The following EP300 variants were observed in gnomAD, a reference collection of about 807,000 sequenced individuals.
EP300 encodes the protein histone acetyltransferase p300.
In EP300, 31 loss-of-function variants were observed where a neutral mutation model predicts 264.0. The ratio of observed to expected loss-of-function variants is 0.12; its 90% CI spans 0.09 to 0.16. The LOEUF is 0.16. EP300 is among the 10% of genes least tolerant of loss of function. The probability of loss-of-function intolerance (pLI) is 1.00; values close to 1 mark genes in which losing one functional copy is unlikely to be tolerated. For synonymous variants in EP300, 1,340 were observed against 1,045.4 expected, an observed-to-expected ratio of 1.28 and a Z score of -5.44; for missense variants, 2,766 against 3,052.9, an observed-to-expected ratio of 0.91 and a Z score of 2.21.
intron 20 of EP300, among the ~76,000 whole-genome samples, chr22:41,162,063 A>G (rs2059111512): frequency 6.6e-6 from 1 of 152,176 alleles, no homozygotes; most frequent in Admixed American, 6.5e-5. Flanking sequence ...AGTAGGAACA[A>G]GACCCTTCCC....
At chr22:41,110,101 GC>G (rs2058780617) in intron 1 of EP300, among the ~76,000 whole-genome samples, 1 of 130,190 alleles carries the variant, frequency 7.7e-6, no homozygotes, top group Non-Finnish European at 1.6e-5. Context: ...GACCCACTGT[GC>G]CCATCCTGTT....
intron 1 of EP300, 36 bp from the exon 2 acceptor site, chr22:41,117,151 C>T: frequency 7.5e-6 from 12 of 1,596,920 alleles, no homozygotes; most frequent in Non-Finnish European, 1.0e-5. Flanking sequence ...TTGGTTTTGT[C>T]ATACTTTGAC....
chr22:41,150,797 A>T (rs910489253), intron 14 of EP300, among the ~76,000 whole-genome samples: 5 of 152,054 alleles, frequency 3.3e-5, no homozygotes, highest in African/African-American at 1.2e-4. Context: ...AGACTGAGGC[A>T]GGAGAATGGC....
At chr22:41,164,564 T>C (rs535569757) in intron 22 of EP300, among the ~76,000 whole-genome samples, 1 of 152,152 alleles carries the variant, frequency 6.6e-6, no homozygotes, top group Admixed American at 6.5e-5. Flanking sequence ...ATACAAAAAT[T>C]AGCCTGGCGT....
chr22:41,141,209 A>G lies in EP300; in HGVS notation c.2040A>G (p.Pro680=), dbSNP rs2058980395. Residue 680 remains proline, a synonymous_variant, in exon 10 of 31, where the codon CCA becomes CCG. Transcript: ENST00000263253. The part of the protein sequence containing the change: ...NPGPNMGQPQ[P]GMTSNGPLPD... ...GGCCTAACATGGGACAGCCGCAACC[A>G]GGAATGACTTCTAGTAAGTGGTTTT... is the stretch of plus-strand genomic sequence containing the variant. The G allele has an allele frequency of 1.2e-6, 2 of 1,614,078 alleles. No homozygotes were observed. The highest frequency in any genetic ancestry group is 1.3e-5 in the African/African-American group (1 of 74,956).
rs371872045 is a variant in EP300 at position 41,137,819 on chromosome 22, C to T, written c.1760+29C>T. 3.9e-5 allele frequency: 63 copies of T among 1,613,812 alleles called. No homozygotes were observed. In the African/African-American group the frequency reaches 4.0e-4, roughly 10 times the overall value. Reference sequence around the variant, plus strand: ...AGTAAGATTGTGGACACGTCTCATTCGTAAAGAGATGTTACGTCAACATGT... The same window carrying T: ...AGTAAGATTGTGGACACGTCTCATTTGTAAAGAGATGTTACGTCAACATGT... On this transcript the variant is annotated intron_variant, in intron 8 of 30. Transcript: ENST00000263253.
At chr22:41,102,029 C>CTTTTTTTTT in intron 1 of EP300, among the ~76,000 whole-genome samples, 1 of 119,260 alleles carries the variant, frequency 8.4e-6, no homozygotes, top group Admixed American at 8.8e-5. Flanking sequence ...TTTTTCTTTT[C>CTTTTTTTTT]TTTTTTTTTT....
intron 7 of EP300, among the ~76,000 whole-genome samples, chr22:41,137,266 A>G (rs992556702): frequency 1.3e-5 from 2 of 150,844 alleles, no homozygotes; most frequent in African/African-American, 4.9e-5. Flanking sequence ...CTGAGGCAGG[A>G]GAATCGCTTG....
At chr22:41,176,676 C>A in intron 30 of EP300, 97 bp from the exon 31 acceptor site, 1 of 1,612,034 alleles carries the variant, frequency 6.2e-7, no homozygotes, top group South Asian at 1.1e-5. Context: ...AGTTTTTGTT[C>A]TACGAAAGGG....
intron 28 of EP300, 108 bp downstream of exon 28, chr22:41,172,771 C>T: frequency 8.3e-7 from 1 of 1,209,360 alleles, no homozygotes; most frequent in Non-Finnish European, 1.2e-6. Flanking sequence ...TGTAAAAGAG[C>T]TCTTTAAGTT....
At chr22:41,147,631 A>G (rs540979253) in intron 11 of EP300, among the ~76,000 whole-genome samples, 10 of 151,354 alleles carry the variant, frequency 6.6e-5, no homozygotes, top group Non-Finnish European at 1.0e-4. Flanking sequence ...CCAGCTACTC[A>G]GGAGGCTGAG....
chr22:41,147,265 C>T (rs2059016438), intron 11 of EP300, among the ~76,000 whole-genome samples: 1 of 149,430 alleles, frequency 6.7e-6, no homozygotes, highest in South Asian at 2.1e-4. Flanking sequence ...GAGATCGCGC[C>T]ACTGGACCCC....
chr22:41,132,502 T>C (rs2058926332), intron 6 of EP300, among the ~76,000 whole-genome samples: 1 of 152,034 alleles, frequency 6.6e-6, no homozygotes. Context: ...TTGGCCATGA[T>C]GATCTCAATC....
At chr22:41,138,709 T>G (rs1269351001) in intron 8 of EP300, among the ~76,000 whole-genome samples, 1 of 152,180 alleles carries the variant, frequency 6.6e-6, no homozygotes, top group Non-Finnish European at 1.5e-5. Flanking sequence ...TTACAGAGTT[T>G]ACCCTTCAAA....
chr22:41,152,408 A>G (rs2145741381), intron 16 of EP300, 58 bp downstream of exon 16: 1 of 1,570,940 alleles, frequency 6.4e-7, no homozygotes, highest in Non-Finnish European at 8.7e-7. Flanking sequence ...GACCCAGGGC[A>G]GAATTGCGGT....
Position 41,176,345 on chromosome 22 carries a change from T to G in EP300, c.4878T>G (p.Gly1626=), listed in dbSNP as rs775650015. The change falls in exon 30 of 31, where the codon GGT becomes GGG. Residue 1626 remains glycine, a synonymous_variant. Coordinates refer to ENST00000263253, the MANE Select transcript of EP300 (RefSeq NM_001429.4). ...DPLIPCDLMD[G]RDAFLTLARD... is the part of the protein sequence containing the mutation. ...TCATCCCCTGCGATCTGATGGATGG[T>G]CGGGATGCGTTTCTCACGCTGGCAA... The G allele has an allele frequency of 1.9e-6, 3 of 1,614,186 alleles. No homozygotes were observed. The highest frequency in any genetic ancestry group is 2.5e-6 in the Non-Finnish European group (3 of 1,180,036).
At chr22:41,093,310 G>A (rs1167063606) in intron 1 of EP300, among the ~76,000 whole-genome samples, 2 of 152,090 alleles carry the variant, frequency 1.3e-5, no homozygotes, top group East Asian at 1.9e-4. Flanking sequence ...ATGTCATATC[G>A]GTGTGTGTTC....
chr22:41,147,706 C>G (rs1252628779), intron 11 of EP300, 131 bp from the exon 12 acceptor site: 1 of 696,242 alleles, frequency 1.4e-6, no homozygotes, highest in Non-Finnish European at 2.5e-6. Context: ...CCACTGCACT[C>G]CAGCCTGGGC....
chr22:41,117,441 T>G lies in EP300; in HGVS notation c.349T>G (p.Leu117Val), dbSNP rs2058827570. The G allele has an allele frequency of 6.2e-7, 1 of 1,614,084 alleles. No individual in the cohort carries two copies. The highest frequency in any genetic ancestry group is 1.1e-5 in the South Asian group (1 of 91,084). Reference protein sequence around the residue: ...QAQQSSPGLGLINSMVKSPMT... With the variant: ...QAQQSSPGLGVINSMVKSPMT... Reference sequence around the variant, plus strand: ...CCAACAGAGCAGTCCTGGATTAGGTTTGATAAATAGCATGGTCAAAAGCCC... The same window carrying G: ...CCAACAGAGCAGTCCTGGATTAGGTGTGATAAATAGCATGGTCAAAAGCCC... The change falls in exon 2 of 31, where the codon TTG (leucine) becomes GTG (valine). Residue 117 changes from leucine (L) to valine (V), a missense_variant. Transcript: ENST00000263253.
Sources: allele counts gnomAD v4.1 joint callset (sites outside exome capture counted in the v4.1 genomes callset), GRCh38; gene constraint gnomAD v4.1.1; transcripts MANE v1.5; gene names NCBI Gene and HGNC (gene_info 2026-07-23, HGNC 2026-07-21).